The following CFAP221 variants were observed in gnomAD, a reference collection of about 807,000 sequenced individuals.
CFAP221 encodes the protein cilia- and flagella-associated protein 221.
Under a neutral mutation model 113.1 loss-of-function variants are expected in CFAP221, and 97 were observed. That is an observed-to-expected ratio of 0.86 (90% CI 0.73 to 1.02). The LOEUF is 1.02. Ranked by LOEUF, CFAP221 falls within the 50% of genes least tolerant of loss-of-function variation. CFAP221 has a pLI of 0.00. For missense variants in CFAP221, 1,025 were observed against 1,013.4 expected (o/e 1.01, Z -0.16); for synonymous variants, 331 against 354.4 (o/e 0.93, Z 0.74).
At position 119,604,935 on chromosome 2, in the gene CFAP221, A is replaced by G; in HGVS notation, c.972A>G (p.Ala324=). 1 of 1,614,162 alleles carries G rather than the reference A, an allele frequency of 6.2e-7. No homozygotes were observed. The highest frequency in any genetic ancestry group is 8.5e-7 in the Non-Finnish European group (1 of 1,180,020). ...ATTTATCGAATCCATTTGCTGTGGC[A>G]ACTGTTTTAAACCAAGAACCAGGAA... ...PVDLSNPFAV[A]TVLNQEPGKL... is the part of the protein sequence containing the mutation. The change falls in exon 10 of 24, where the codon GCA becomes GCG. Residue 324 remains alanine, a synonymous_variant. Coordinates refer to ENST00000413369, the MANE Select transcript of CFAP221 (RefSeq NM_001271049.2).
At position 119,611,744 on chromosome 2, in the gene CFAP221, T is replaced by C; in HGVS notation, c.1311+2T>C. On this transcript the variant is annotated splice_donor_variant, in intron 13 of 23. Coordinates refer to ENST00000413369, the MANE Select transcript of CFAP221 (RefSeq NM_001271049.2). LOFTEE classifies it high-confidence loss of function. ...CGGGTTGTTCGCAATCAAGAAGAGG[T>C]GGGTAACTTTCCTTTATTTAGAATC... The C allele has an allele frequency of 6.2e-7, 1 of 1,607,018 alleles. No individual in the cohort carries two copies. Among genetic ancestry groups the C allele is most frequent in the East Asian group, 2.2e-5 (1 of 44,826 alleles).
intron 3 of CFAP221, among the ~76,000 whole-genome samples, chr2:119,555,883 T>C (rs1010066720): frequency 6.6e-6 from 1 of 152,180 alleles, no homozygotes; most frequent in Non-Finnish European, 1.5e-5. Context: ...TGGGAAGCAA[T>C]GAGTATTTGC....
rs1680250759 is a variant in CFAP221 at position 119,549,131 on chromosome 2, T to C, written c.186T>C (p.Pro62=). 1.3e-6 allele frequency: 2 copies of C among 1,535,212 alleles called. No homozygotes were observed. The highest frequency in any genetic ancestry group is 2.7e-5 in the African/African-American group (2 of 73,146). ...LVNNKVIQAR[P]GIIHFGGYQV... is the part of the protein sequence containing the mutation. ...ATAATAAGGTCATACAGGCAAGACCTGGCATAATACATTTTGGAGGCTATC... is the reference window on the plus strand; with the variant it reads ...ATAATAAGGTCATACAGGCAAGACCCGGCATAATACATTTTGGAGGCTATC... The change falls in exon 3 of 24, where the codon CCT becomes CCC. Residue 62 remains proline, a synonymous_variant. Transcript: ENST00000413369.
At chr2:119,630,997 C>G (rs1160764481) in intron 19 of CFAP221, 96 bp downstream of exon 19, 1 of 1,488,458 alleles carries the variant, frequency 6.7e-7, no homozygotes, top group Non-Finnish European at 9.0e-7. Flanking sequence ...TATTTTTTCT[C>G]TTTGGAATTT....
In CFAP221 at chr2:119,610,155, T is replaced by C. The variant is rs1685051632; in HGVS notation, c.1222-1498T>C. Among the ~76,000 whole-genome samples the C allele has an allele frequency of 2.6e-5, 4 of 152,332 alleles. No individual in the cohort carries two copies. The South Asian group carries it at 8.3e-4, about 32-fold the overall frequency. ...TCAGTCATTGTGGGCATTGAGGCTG[T>C]GGCTGCGGGCAGTGACAGCCAAGGA... On this transcript the variant is annotated intron_variant, in intron 12 of 23. Coordinates refer to ENST00000413369, the MANE Select transcript of CFAP221 (RefSeq NM_001271049.2).
At chr2:119,584,385 G>A (rs1308725871) in intron 6 of CFAP221, among the ~76,000 whole-genome samples, 3 of 152,044 alleles carry the variant, frequency 2.0e-5, no homozygotes, top group Admixed American at 6.6e-5. Flanking sequence ...CCAGGAGTTC[G>A]AGACAAGCCT....
At chr2:119,555,328 A>G (rs1323154948) in intron 3 of CFAP221, among the ~76,000 whole-genome samples, 1 of 152,170 alleles carries the variant, frequency 6.6e-6, no homozygotes, top group Non-Finnish European at 1.5e-5. Context: ...CGGAGGGACT[A>G]GGAGTTCTAC....
chr2:119,610,589 C>T (rs895497438), intron 12 of CFAP221, among the ~76,000 whole-genome samples: 1 of 152,062 alleles, frequency 6.6e-6, no homozygotes, highest in Non-Finnish European at 1.5e-5. Flanking sequence ...GGGTCTGGGT[C>T]TCCCCACGAA....
intron 22 of CFAP221, chr2:119,648,450 T>C: frequency 6.2e-6 from 2 of 320,602 alleles, no homozygotes; most frequent in Non-Finnish European, 1.4e-5. Flanking sequence ...AAGGAGCACC[T>C]GGATCTGCTG....
At chr2:119,609,552 G>A (rs377142199) in intron 12 of CFAP221, among the ~76,000 whole-genome samples, 1 of 152,062 alleles carries the variant, frequency 6.6e-6, no homozygotes, top group Admixed American at 6.5e-5. Flanking sequence ...CTCTGTGTCT[G>A]TGTCCTAATC....
intron 6 of CFAP221, among the ~76,000 whole-genome samples, chr2:119,569,870 C>T (rs1158221909): frequency 1.3e-5 from 2 of 152,196 alleles, no homozygotes; most frequent in Non-Finnish European, 2.9e-5. Flanking sequence ...ATTTCCATCT[C>T]TCTGCTTACA....
chr2:119,583,395 C>CTTTTTTTTTTTT (rs375405686), intron 6 of CFAP221, among the ~76,000 whole-genome samples: 1 of 123,318 alleles, frequency 8.1e-6, no homozygotes, highest in African/African-American at 3.1e-5. Flanking sequence ...GAAATAGTCT[C>CTTTTTTTTTTTT]TTTTTTTTTT....
intron 21 of CFAP221, among the ~76,000 whole-genome samples, chr2:119,642,334 C>T (rs1359715741): frequency 6.6e-6 from 1 of 152,004 alleles, no homozygotes; most frequent in Non-Finnish European, 1.5e-5. Flanking sequence ...TGTCTTAGTT[C>T]GTTTGGGCAG....
intron 17 of CFAP221, among the ~76,000 whole-genome samples, 193 bp from the exon 18 acceptor site, chr2:119,630,377 A>G (rs1052399929): frequency 6.6e-6 from 1 of 152,224 alleles, no homozygotes; most frequent in African/African-American, 2.4e-5. Context: ...GCTGAAACCC[A>G]GAACAGGGCT....
intron 19 of CFAP221, among the ~76,000 whole-genome samples, chr2:119,633,624 A>G (rs1253835025): frequency 2.0e-5 from 3 of 151,660 alleles, no homozygotes; most frequent in South Asian, 2.1e-4. Context: ...CTACAAATCA[A>G]TAGTAAAAAA....
chr2:119,603,568 T>C (rs536798665), intron 8 of CFAP221, among the ~76,000 whole-genome samples: 2 of 152,360 alleles, frequency 1.3e-5, no homozygotes, highest in African/African-American at 4.8e-5. Flanking sequence ...ACATATTAAC[T>C]GTCAGAGTGA....
chr2:119,558,787 A>G (rs1211249997), intron 3 of CFAP221, among the ~76,000 whole-genome samples: 1 of 152,206 alleles, frequency 6.6e-6, no homozygotes, highest in Non-Finnish European at 1.5e-5. Flanking sequence ...GTGCCACTGC[A>G]CTGCAGCCCG....
chr2:119,641,733 G>A (rs995542019), intron 21 of CFAP221, among the ~76,000 whole-genome samples: 1 of 152,130 alleles, frequency 6.6e-6, no homozygotes, highest in Non-Finnish European at 1.5e-5. Flanking sequence ...ACTAAGCGGC[G>A]CAGTCACTCC....
downstream of CFAP221, among the ~76,000 whole-genome samples, chr2:119,657,639 A>G (rs925577444): frequency 9.2e-5 from 14 of 152,204 alleles, no homozygotes; most frequent in Non-Finnish European, 1.9e-4. Flanking sequence ...GGAAATTACA[A>G]TCGGTACAGC....
Sources: gnomAD v4.1 joint callset for allele counts (sites outside exome capture counted in the v4.1 genomes callset) on GRCh38, gnomAD v4.1.1 for gene constraint, MANE v1.5 for transcripts, NCBI Gene and HGNC (gene_info 2026-07-23, HGNC 2026-07-21) for gene names.